Variants in CNDP1 observed in about 807,000 individuals in gnomAD.
CNDP1 encodes the protein carnosine dipeptidase 1.
A neutral mutation model predicts 58.1 loss-of-function variants in CNDP1; 44 were observed. That is an observed-to-expected ratio of 0.76 (90% confidence interval 0.60 to 0.97). The LOEUF is 0.97. Ranked by LOEUF, CNDP1 falls within the 50% of genes least tolerant of loss-of-function variation. The probability of loss-of-function intolerance (pLI) is 0.00; values close to 1 mark genes in which losing one functional copy is unlikely to be tolerated. For missense variants in CNDP1, 616 were observed against 655.1 expected (o/e 0.94, Z 0.65); for synonymous variants, 254 against 252.6 (o/e 1.01, Z -0.05).
rs775155013 is a variant in CNDP1, at chr18:74,562,085, CCT to C, written c.506_507del (p.Pro169ArgfsTer27). 1.2e-5 allele frequency: 19 copies of C among 1,613,954 alleles called. No homozygotes were observed. Among genetic ancestry groups the C allele is most frequent in the Non-Finnish European group, 1.5e-5 (18 of 1,179,990 alleles). On this transcript the variant is annotated frameshift_variant, in exon 5 of 12. Transcript: ENST00000358821. LOFTEE classifies it high-confidence loss of function. The part of the protein sequence containing the change: ...YGRGATDNKG[P>X]VLAWINAVSA... ...ACGAGGAGCGACCGACAACAAAGGCCCTGTCTTGGCTTGGATCAATGCTGTGA... is the reference window on the plus strand; with the variant it reads ...ACGAGGAGCGACCGACAACAAAGGCCGTCTTGGCTTGGATCAATGCTGTGA...
intron 7 of CNDP1, among the ~76,000 whole-genome samples, chr18:74,572,790 C>CAAAAAAAAAAAAAAAAAAAAGAAAA (rs1981513363): frequency 3.3e-5 from 2 of 60,072 alleles, no homozygotes; most frequent in Non-Finnish European, 6.0e-5. Flanking sequence ...GACCCTGTAT[C>CAAAAAAAAAAAAAAAAAAAAGAAAA]AAAAAAAAAA....
chr18:74,569,898 A>G (rs1301303511), intron 6 of CNDP1, among the ~76,000 whole-genome samples: 6 of 152,042 alleles, frequency 3.9e-5, no homozygotes, highest in Non-Finnish European at 8.8e-5. Context: ...CCATCAAGAG[A>G]GAAGGAGCTG....
intron 7 of CNDP1, among the ~76,000 whole-genome samples, chr18:74,572,551 G>A (rs1981505190): frequency 6.6e-6 from 1 of 152,056 alleles, no homozygotes; most frequent in Non-Finnish European, 1.5e-5. Flanking sequence ...ACTTTGGGAG[G>A]CCAAGGTGGG....
rs183381878 is a variant in CNDP1 at position 74,580,484 on chromosome 18, T to A, written c.1309+213T>A. Among the ~76,000 whole-genome samples the A allele has an allele frequency of 3.4e-3, 511 of 152,344 alleles. 4 individuals carry two copies. The highest frequency in any genetic ancestry group is 6.8e-3 in the South Asian group (33 of 4,826). The stretch of plus-strand genomic sequence containing the variant: ...TGGCCTTCCCCATCTAACAGAGGAA[T>A]AAATGCAGGCTTACAGACATGAAGT... On this transcript the variant is annotated intron_variant, in intron 10 of 11. Transcript: ENST00000358821.
chr18:74,572,187 G>A (rs1384531459), intron 7 of CNDP1, among the ~76,000 whole-genome samples: 2 of 151,992 alleles, frequency 1.3e-5, no homozygotes, highest in Non-Finnish European at 2.9e-5. Context: ...GATTTCCCAT[G>A]GATTGCTGGT....
At chr18:74,581,218 C>CTGTGTGTGTGTGTGTG (rs56269857) in intron 10 of CNDP1, among the ~76,000 whole-genome samples, 64 of 138,504 alleles carry the variant, frequency 4.6e-4, no homozygotes, top group South Asian at 7.7e-4. Context: ...CACACCTATC[C>CTGTGTGTGTGTGTGTG]TGTGTGTGTG....
chr18:74,561,764 C>T (rs1981205303), intron 4 of CNDP1, among the ~76,000 whole-genome samples: 1 of 152,098 alleles, frequency 6.6e-6, no homozygotes, highest in Non-Finnish European at 1.5e-5. Context: ...GATAAAATAG[C>T]TAATTATTAT....
chr18:74,542,577 A>T (rs1980652365), intron 1 of CNDP1, among the ~76,000 whole-genome samples: 1 of 152,152 alleles, frequency 6.6e-6, no homozygotes, highest in African/African-American at 2.4e-5. Context: ...AATTGCATAT[A>T]CTTCAGGATT....
chr18:74,548,027 C>T (rs76588318), intron 1 of CNDP1, among the ~76,000 whole-genome samples: 129 of 152,302 alleles, frequency 8.5e-4, no homozygotes, highest in African/African-American at 2.9e-3. Flanking sequence ...CTACCCCCGC[C>T]GAAAAGACTC....
rs573188754 is a variant in CNDP1 at position 74,576,867 on chromosome 18, AG to A, written c.842del. On this transcript the variant is annotated splice_acceptor_variant, in intron 7 of 11. Coordinates refer to ENST00000358821, the MANE Select transcript of CNDP1 (RefSeq NM_032649.6). LOFTEE classifies it high-confidence loss of function. The stretch of plus-strand genomic sequence containing the variant: ...GCTTTGTTTTCTGTGTGTGTTTTGT[AG>A]GTAGCCTGGTAGACTCGTCTGGTCA... The A allele has an allele frequency of 6.9e-5, 110 of 1,604,492 alleles. 1 individual carries two copies. The African/African-American group carries it at 1.3e-3, about 20-fold the overall frequency.
chr18:74,555,713 G>T (rs914159650), intron 1 of CNDP1, among the ~76,000 whole-genome samples: 21 of 152,286 alleles, frequency 1.4e-4, no homozygotes, highest in Middle Eastern at 3.4e-3. Context: ...GTCTCTCAGA[G>T]ATGGGGTTGC....
At chr18:74,581,241 T>TGTGTGG (rs1174458989) in intron 10 of CNDP1, among the ~76,000 whole-genome samples, 1 of 151,602 alleles carries the variant, frequency 6.6e-6, no homozygotes, top group African/African-American at 2.4e-5. Context: ...TGTGTGTGTG[T>TGTGTGG]GTGTGTGTGT....
At chr18:74,553,750 A>C (rs1411264763) in intron 1 of CNDP1, among the ~76,000 whole-genome samples, 2 of 152,136 alleles carry the variant, frequency 1.3e-5, no homozygotes, top group African/African-American at 4.8e-5. Context: ...CCTACTTCAA[A>C]ATGAGGAAAC....
intron 5 of CNDP1, 141 bp downstream of exon 5, chr18:74,562,276 T>C: frequency 1.4e-6 from 1 of 720,442 alleles, no homozygotes; most frequent in Non-Finnish European, 2.4e-6. Context: ...GCGACAATGG[T>C]ATCCATTTTG....
chr18:74,577,628 A>T (rs1981666593), intron 8 of CNDP1: 1 of 152,660 alleles, frequency 6.6e-6, no homozygotes, highest in Admixed American at 6.5e-5. Context: ...GGGGAAAAGC[A>T]AGCTGAAAAG....
intron 1 of CNDP1, 127 bp downstream of exon 1, chr18:74,534,818 A>C (rs970016563): frequency 1.0e-6 from 1 of 973,428 alleles, no homozygotes; most frequent in East Asian, 2.4e-5. Context: ...GCTGCTCCTC[A>C]TGGTGTTCTT....
intron 9 of CNDP1, among the ~76,000 whole-genome samples, chr18:74,579,217 T>TG (rs1981721996): frequency 2.9e-5 from 4 of 136,302 alleles, no homozygotes; most frequent in South Asian, 4.8e-4. Flanking sequence ...TCCCTTCCCT[T>TG]CCCTTCCCTT....
intron 2 of CNDP1, 101 bp downstream of exon 2, chr18:74,556,567 C>T: frequency 3.5e-6 from 5 of 1,419,860 alleles, no homozygotes; most frequent in Non-Finnish European, 4.9e-6. Context: ...GATTTTTTTG[C>T]CTAATTCCAT....
At chr18:74,547,485 C>A (rs1466983354) in intron 1 of CNDP1, among the ~76,000 whole-genome samples, 1 of 152,240 alleles carries the variant, frequency 6.6e-6, no homozygotes, top group African/African-American at 2.4e-5. Flanking sequence ...CAAAAACAAC[C>A]AGTGCAGAAG....
Sources: gnomAD v4.1 joint callset for allele counts (sites outside exome capture counted in the v4.1 genomes callset) on GRCh38, gnomAD v4.1.1 for gene constraint, MANE v1.5 for transcripts, NCBI Gene and HGNC (gene_info 2026-07-23, HGNC 2026-07-21) for gene names.